The following CCDC15 variants were observed in gnomAD, a reference collection of about 807,000 sequenced individuals.
CCDC15 encodes coiled-coil domain containing 15, also known as coiled-coil domain-containing protein 15.
Under a neutral mutation model 114.5 loss-of-function variants are expected in CCDC15, and 105 were observed. The ratio of observed to expected loss-of-function variants is 0.92; its 90% CI spans 0.78 to 1.08. CCDC15 has a LOEUF of 1.08. Among genes scored for constraint, CCDC15 ranks in the 50% least tolerant of loss-of-function variants. The pLI, the probability that CCDC15 is intolerant of heterozygous loss-of-function variation, is 0.00. For missense variants in CCDC15, 1,105 were observed against 1,093.6 expected, an observed-to-expected ratio of 1.01 and a Z score of -0.15; for synonymous variants, 334 against 377.8, an observed-to-expected ratio of 0.88 and a Z score of 1.34.
intron 6 of CCDC15, 42 bp from the exon 7 acceptor site, chr11:124,986,700 T>TGTGTGTGTGTGTGTGTGTGC (rs878887902): frequency 3.5e-5 from 47 of 1,352,930 alleles, no homozygotes; most frequent in African/African-American, 2.9e-4. Context: ...TTTGTGTGTG[T>TGTGTGTGTGTGTGTGTGTGC]GCGCGCGCGC....
intron 13 of CCDC15, among the ~76,000 whole-genome samples, chr11:125,021,858 C>A (rs1948662624): frequency 6.6e-6 from 1 of 151,924 alleles, no homozygotes; most frequent in South Asian, 2.1e-4. Context: ...AGTAACTAAG[C>A]TTTTCTGTCA....
At position 125,010,085 on chromosome 11, in the gene CCDC15, TAACA is replaced by T. The variant is rs1948579586; in HGVS notation, c.2411+4877_2411+4880del. Among the ~76,000 whole-genome samples the T allele has an allele frequency of 5.9e-5, 9 of 152,280 alleles. No individual in the cohort carries two copies. In the South Asian group the frequency reaches 1.9e-3, roughly 32 times the overall value. Reference sequence around the variant, plus strand: ...AAACCGCTTTCCACAGTGGCTGAACTAACAAACCGCTTTCCACAGTGGCTGAACT... The same window carrying T: ...AAACCGCTTTCCACAGTGGCTGAACTAACCGCTTTCCACAGTGGCTGAACT... On this transcript the variant is annotated intron_variant, in intron 13 of 15. Coordinates refer to ENST00000344762, the MANE Select transcript of CCDC15 (RefSeq NM_025004.3).
intron 13 of CCDC15, among the ~76,000 whole-genome samples, chr11:125,011,748 C>A (rs1263283987): frequency 6.6e-6 from 1 of 151,538 alleles, no homozygotes; most frequent in Non-Finnish European, 1.5e-5. Flanking sequence ...TACCTTACAT[C>A]TAAGTATTTT....
intron 6 of CCDC15, 42 bp from the exon 7 acceptor site, chr11:124,986,700 T>TGTGTGTGTGTGTGTGTGTGTGCGC (rs878887902): frequency 7.7e-7 from 1 of 1,298,020 alleles, no homozygotes; most frequent in African/African-American, 1.7e-5. Context: ...TTTGTGTGTG[T>TGTGTGTGTGTGTGTGTGTGTGCGC]GCGCGCGCGC....
chr11:124,961,982 G>T (rs1947668783), intron 4 of CCDC15, among the ~76,000 whole-genome samples: 1 of 152,044 alleles, frequency 6.6e-6, no homozygotes, highest in African/African-American at 2.4e-5. Flanking sequence ...AGGAAATCAG[G>T]TTATGAAAAA....
At chr11:124,964,262 T>C (rs1235283081) in intron 4 of CCDC15, among the ~76,000 whole-genome samples, 1 of 152,204 alleles carries the variant, frequency 6.6e-6, no homozygotes, top group South Asian at 2.1e-4. Context: ...TATTGATTCT[T>C]CCTGTCCATG....
intron 13 of CCDC15, among the ~76,000 whole-genome samples, chr11:125,023,446 T>G (rs956223428): frequency 6.6e-6 from 1 of 151,986 alleles, no homozygotes; most frequent in Non-Finnish European, 1.5e-5. Context: ...TACAACTCAA[T>G]AGTAAAAAGA....
chr11:124,971,443 C>T (rs539512836), intron 4 of CCDC15, among the ~76,000 whole-genome samples: 1 of 152,288 alleles, frequency 6.6e-6, no homozygotes, highest in African/African-American at 2.4e-5. Context: ...GATGAGTTGA[C>T]AGAAGTAGGC....
chr11:125,005,692 T>C (rs890094684), intron 13 of CCDC15, among the ~76,000 whole-genome samples: 6 of 152,132 alleles, frequency 3.9e-5, no homozygotes, highest in African/African-American at 1.4e-4. Context: ...TTCCCTAAAA[T>C]CCTCTGTGCT....
At position 125,009,516 on chromosome 11, in the gene CCDC15, A is replaced by G. The variant is rs911032127; in HGVS notation, c.2411+4304A>G. Among the ~76,000 whole-genome samples, 3 of 152,082 alleles carry G rather than the reference A, an allele frequency of 2.0e-5. 1 individual carries two copies. The highest frequency in any genetic ancestry group is 7.2e-5 in the African/African-American group (3 of 41,398). On this transcript the variant is annotated intron_variant, in intron 13 of 15. Coordinates refer to ENST00000344762, the MANE Select transcript of CCDC15 (RefSeq NM_025004.3). ...TTTGTTTTTTATAATTTCAACTTCTATTTTAGATTCAGGGGGTACAGGTGC... is the reference window on the plus strand; with the variant it reads ...TTTGTTTTTTATAATTTCAACTTCTGTTTTAGATTCAGGGGGTACAGGTGC...
At chr11:125,009,657 A>G (rs1045480386) in intron 13 of CCDC15, among the ~76,000 whole-genome samples, 4 of 151,972 alleles carry the variant, frequency 2.6e-5, no homozygotes, top group African/African-American at 7.3e-5. Flanking sequence ...CTCCTCCCCT[A>G]TCCCTCCCTC....
intron 6 of CCDC15, 112 bp from the exon 7 acceptor site, chr11:124,986,630 C>T: frequency 2.5e-6 from 3 of 1,181,462 alleles, no homozygotes; most frequent in Non-Finnish European, 3.4e-6. Context: ...AATTTTATTG[C>T]AATCACATTG....
chr11:124,970,314 C>T (rs781340906), intron 4 of CCDC15, among the ~76,000 whole-genome samples: 2 of 152,180 alleles, frequency 1.3e-5, no homozygotes, highest in Non-Finnish European at 2.9e-5. Context: ...ATTAGGTCTA[C>T]ATTACTGGCC....
intron 14 of CCDC15, 59 bp from the exon 15 acceptor site, chr11:125,038,862 A>G: frequency 1.7e-4 from 240 of 1,390,412 alleles, no homozygotes; most frequent in Non-Finnish European, 2.2e-4. Flanking sequence ...TAAAATCAGG[A>G]TTCATACTCA....
chr11:124,961,251 A>C (rs2135432066), intron 4 of CCDC15, among the ~76,000 whole-genome samples: 1 of 152,340 alleles, frequency 6.6e-6, no homozygotes, highest in South Asian at 2.1e-4. Context: ...AATAGAACTC[A>C]TCAGTCAGCA....
intron 4 of CCDC15, among the ~76,000 whole-genome samples, chr11:124,964,813 C>T (rs962125345): frequency 2.6e-5 from 4 of 152,118 alleles, no homozygotes; most frequent in African/African-American, 9.7e-5. Flanking sequence ...GAGATATGCC[C>T]CATCAATACC....
intron 5 of CCDC15, among the ~76,000 whole-genome samples, chr11:124,976,080 TTTATTTTTTA>T (rs1565361217): frequency 6.6e-6 from 1 of 151,806 alleles, no homozygotes; most frequent in Non-Finnish European, 1.5e-5. Flanking sequence ...AGACCATTAA[TTTATTTTTTA>T]ATAAATTATG....
intron 4 of CCDC15, among the ~76,000 whole-genome samples, chr11:124,964,523 A>G (rs1235837359): frequency 6.6e-6 from 1 of 152,174 alleles, no homozygotes; most frequent in Non-Finnish European, 1.5e-5. Context: ...GTTGCTTATG[A>G]GCTTAGGAGA....
At chr11:124,986,446 C>T (rs1366039059) in intron 6 of CCDC15, among the ~76,000 whole-genome samples, 3 of 152,096 alleles carry the variant, frequency 2.0e-5, no homozygotes, top group Non-Finnish European at 4.4e-5. Context: ...ACCATCTTAC[C>T]AATCTTTTCT....
Sources: gnomAD v4.1 joint callset for allele counts (sites outside exome capture counted in the v4.1 genomes callset) on GRCh38, gnomAD v4.1.1 for gene constraint, MANE v1.5 for transcripts, NCBI Gene and HGNC (gene_info 2026-07-23, HGNC 2026-07-21) for gene names.